POLR3E: variants seen among roughly 807,000 people sequenced by gnomAD.
POLR3E encodes the protein RNA polymerase III subunit E, also known as DNA-directed RNA polymerase III subunit RPC5.
A neutral mutation model predicts 96.6 loss-of-function variants in POLR3E; 41 were observed. The ratio of observed to expected loss-of-function variants is 0.42; its 90% CI spans 0.33 to 0.55. The LOEUF (loss-of-function observed/expected upper bound fraction) is 0.55, where lower values mean the gene tolerates loss of function less well. POLR3E is among the 20% of genes least tolerant of loss of function. The pLI, the probability that POLR3E is intolerant of heterozygous loss-of-function variation, is 0.06. For missense variants in POLR3E, 849 were observed against 952.1 expected, an observed-to-expected ratio of 0.89 and a Z score of 1.43; for synonymous variants, 396 against 383.6, an observed-to-expected ratio of 1.03 and a Z score of -0.38.
chr16:22,315,734 C>T (rs2048341044), intron 9 of POLR3E, among the ~76,000 whole-genome samples: 1 of 152,100 alleles, frequency 6.6e-6, no homozygotes, highest in South Asian at 2.1e-4. Flanking sequence ...TGCAGTGGCT[C>T]GATCTCAGCT....
intron 1 of POLR3E, among the ~76,000 whole-genome samples, chr16:22,301,677 G>A (rs776393788): frequency 2.0e-5 from 3 of 152,184 alleles, no homozygotes; most frequent in Non-Finnish European, 4.4e-5. Flanking sequence ...TGTAATCCCA[G>A]CACTTTGGGA....
Position 22,324,512 on chromosome 16 carries a change from G to C in POLR3E, c.1138G>C (p.Glu380Gln). ...GCCCCCTCCCCTCCAGCTCTGCGCC[G>C]AGGATGTGAAGGACTTCCTGGAGCA... ...EVATVTKLCAEDVKDFLEHMA... is the reference protein window; with the variant it reads ...EVATVTKLCAQDVKDFLEHMA... Residue 380 changes from glutamate (E) to glutamine (Q), a missense_variant, in exon 16 of 21, where the codon GAG becomes CAG. Coordinates refer to ENST00000299853, the MANE Select transcript of POLR3E (RefSeq NM_018119.4). 1 of 1,611,946 alleles carries C rather than the reference G, an allele frequency of 6.2e-7. No individual in the cohort carries two copies. The highest frequency in any genetic ancestry group is 8.5e-7 in the Non-Finnish European group (1 of 1,179,088).
chr16:22,314,853 C>G (rs1567317549), intron 8 of POLR3E: 1 of 390,642 alleles, frequency 2.6e-6, no homozygotes, highest in East Asian at 4.4e-5. Context: ...GGACTCTAAT[C>G]CCCCTCAAGC....
chr16:22,298,497 A>G (rs1047818768), intron 1 of POLR3E, among the ~76,000 whole-genome samples: 11 of 152,278 alleles, frequency 7.2e-5, no homozygotes, highest in Admixed American at 6.5e-4. Flanking sequence ...AGGGATGAAA[A>G]TAGGGAGGAA....
intron 19 of POLR3E, among the ~76,000 whole-genome samples, chr16:22,329,553 C>T (rs2048692879): frequency 6.6e-6 from 1 of 152,178 alleles, no homozygotes; most frequent in Non-Finnish European, 1.5e-5. Context: ...TCTCTGTCCC[C>T]AGCTGCCTCT....
intron 13 of POLR3E, 137 bp downstream of exon 13, chr16:22,319,083 T>G: frequency 5.4e-6 from 3 of 551,940 alleles, no homozygotes; most frequent in Non-Finnish European, 9.4e-6. Flanking sequence ...CAAGCAACTC[T>G]CCTGCCTCAG....
At chr16:22,329,744 A>G (rs1481595358) in intron 19 of POLR3E, among the ~76,000 whole-genome samples, 1 of 152,214 alleles carries the variant, frequency 6.6e-6, no homozygotes, top group Non-Finnish European at 1.5e-5. Context: ...TTAATAGGAA[A>G]GCTCTTGCAC....
In POLR3E at chr16:22,333,961, CTTA is replaced by C. The variant is rs1231254999; in HGVS notation, c.*267_*269del. 7.4e-6 allele frequency: 3 copies of C among 405,826 alleles called. No individual in the cohort carries two copies. The highest frequency in any genetic ancestry group is 1.3e-5 in the Non-Finnish European group (3 of 227,892). The allele number at this position is 405,826 out of a possible 1,614,324, so 25.1% of individuals were successfully genotyped here. A position where few individuals can be genotyped will look rare whatever the true frequency, so the allele number is the denominator to read the frequency against. ...AATTTGAAATTCCTGATGTATTTTGCTTATTATTTGGTTTCATTCTCATAATAA... is the reference window on the plus strand; with the variant it reads ...AATTTGAAATTCCTGATGTATTTTGCTTATTTGGTTTCATTCTCATAATAA... On this transcript the variant is annotated 3_prime_UTR_variant, in exon 21 of 21. Transcript: ENST00000299853.
rs570551902 is a variant in POLR3E at position 22,306,327 on chromosome 16, C to T, written c.87+1121C>T. The stretch of plus-strand genomic sequence containing the variant: ...AGGCTGGAGTGCAGTGGCTTGATTG[C>T]GGCTCACCACAACCTCTGCCTCCCA... On this transcript the variant is annotated intron_variant, in intron 3 of 20. Coordinates refer to ENST00000299853, the MANE Select transcript of POLR3E (RefSeq NM_018119.4). 5.9e-5 allele frequency among the ~76,000 whole-genome samples: 9 copies of T among 152,244 alleles called. No homozygotes were observed. The East Asian group carries it at 1.4e-3, about 23-fold the overall frequency.
intron 20 of POLR3E, among the ~76,000 whole-genome samples, chr16:22,332,396 AAT>A (rs1188891207): frequency 6.6e-6 from 1 of 152,164 alleles, no homozygotes; most frequent in Non-Finnish European, 1.5e-5. Flanking sequence ...CCCTTCAAAC[AAT>A]ATAGTCACAG....
chr16:22,324,368 G>T lies in POLR3E; in HGVS notation c.1083G>T (p.Thr361=), dbSNP rs771380330. ...TTCTCCCTCAGATGTGGAAGTTCAC[G>T]CAGAGCCGCTGGGTGGTTAGGAAAG... The part of the protein sequence containing the change: ...RGRDFVMWKF[T]QSRWVVRKEV... The change falls in exon 15 of 21, where the codon ACG becomes ACT. Residue 361 remains threonine, a synonymous_variant. Coordinates refer to ENST00000299853, the MANE Select transcript of POLR3E (RefSeq NM_018119.4). The T allele has an allele frequency of 1.2e-6, 2 of 1,612,658 alleles. No homozygotes were observed. Among genetic ancestry groups the T allele is most frequent in the South Asian group, 1.1e-5 (1 of 91,032 alleles).
At chr16:22,311,645 C>T (rs1389270145) in intron 6 of POLR3E, among the ~76,000 whole-genome samples, 1 of 151,776 alleles carries the variant, frequency 6.6e-6, no homozygotes, top group Non-Finnish European at 1.5e-5. Flanking sequence ...GGCCATGCCA[C>T]CACATCTGGC....
chr16:22,323,116 T>G (rs978619640), intron 14 of POLR3E, among the ~76,000 whole-genome samples, 185 bp downstream of exon 14: 21 of 151,492 alleles, frequency 1.4e-4, no homozygotes, highest in Admixed American at 6.6e-4. Flanking sequence ...GGAAAGAACC[T>G]TCCAGTTCCT....
At position 22,317,097 on chromosome 16, in the gene POLR3E, C is replaced by A. The variant is rs1401564780; in HGVS notation, c.774-18C>A. The A allele has an allele frequency of 6.2e-7, 1 of 1,613,606 alleles. No homozygotes were observed. The stretch of plus-strand genomic sequence containing the variant: ...TCCGGGCTGGCTGCCTCTAACCCGT[C>A]CCCTCTGCTTTTCCCAGAGACAAGC... On this transcript the variant is annotated intron_variant, in intron 11 of 20. Coordinates refer to ENST00000299853, the MANE Select transcript of POLR3E (RefSeq NM_018119.4).
At chr16:22,332,647 CACTCT>C (rs2048765113) in intron 20 of POLR3E, among the ~76,000 whole-genome samples, 1 of 152,172 alleles carries the variant, frequency 6.6e-6, no homozygotes, top group South Asian at 2.1e-4. Flanking sequence ...TGAGAATCCT[CACTCT>C]ACTCTCCCTT....
chr16:22,331,840 G>T, intron 19 of POLR3E: 1 of 456,054 alleles, frequency 2.2e-6, no homozygotes, highest in South Asian at 2.7e-5. Flanking sequence ...CAAGTTTCCA[G>T]ACATAGCATT....
intron 19 of POLR3E, among the ~76,000 whole-genome samples, chr16:22,330,988 C>CCTTT (rs2048726216): frequency 2.0e-5 from 1 of 50,732 alleles, no homozygotes; most frequent in Admixed American, 4.2e-4. Flanking sequence ...ATGAAGCATC[C>CCTTT]TTTTTTTTTT....
At chr16:22,309,606 C>T (rs2048204805) in intron 6 of POLR3E, 96 bp downstream of exon 6, 5 of 885,350 alleles carry the variant, frequency 5.6e-6, no homozygotes, top group Non-Finnish European at 7.6e-6. Flanking sequence ...CTCCCACCTG[C>T]CCTGAAAGCT....
intron 1 of POLR3E, chr16:22,299,166 A>G: frequency 2.5e-6 from 1 of 398,106 alleles, no homozygotes; most frequent in Non-Finnish European, 5.0e-6. Flanking sequence ...GGCGGTGATG[A>G]TATTTAATAA....
Sources: gnomAD v4.1 joint callset for allele counts (sites outside exome capture counted in the v4.1 genomes callset) on GRCh38, gnomAD v4.1.1 for gene constraint, MANE v1.5 for transcripts, NCBI Gene and HGNC (gene_info 2026-07-23, HGNC 2026-07-21) for gene names.